Variants in MAGI1 observed in about 807,000 individuals in gnomAD.
The protein encoded by MAGI1 is membrane associated guanylate kinase, WW and PDZ domain containing 1, also known as membrane-associated guanylate kinase, WW and PDZ domain-containing protein 1.
Under a neutral mutation model 139.9 loss-of-function variants are expected in MAGI1, and 58 were observed. The observed-to-expected ratio is 0.41, with a 90% CI of 0.34 to 0.52. The LOEUF (loss-of-function observed/expected upper bound fraction) is 0.52, where lower values mean the gene tolerates loss of function less well. MAGI1 is among the 20% of genes least tolerant of loss of function. MAGI1 has a pLI of 0.12. For missense variants in MAGI1, 1,874 were observed against 1,901.6 expected (o/e 0.99, Z 0.27); for synonymous variants, 812 against 737.9 (o/e 1.10, Z -1.63).
At chr3:65,772,592 C>T (rs1241121198) in intron 1 of MAGI1, among the ~76,000 whole-genome samples, 1 of 152,292 alleles carries the variant, frequency 6.6e-6, no homozygotes, top group African/African-American at 2.4e-5. Context: ...CAGGAGCTGC[C>T]ACATGGAGAA....
At chr3:65,776,879 G>A (rs1027740613) in intron 1 of MAGI1, among the ~76,000 whole-genome samples, 2 of 152,206 alleles carry the variant, frequency 1.3e-5, no homozygotes, top group South Asian at 4.1e-4. Flanking sequence ...ATCGCTGGCT[G>A]CTTCATTCAT....
At chr3:65,695,004 G>A (rs949971318) in intron 1 of MAGI1, among the ~76,000 whole-genome samples, 1 of 152,084 alleles carries the variant, frequency 6.6e-6, no homozygotes, top group Non-Finnish European at 1.5e-5. Flanking sequence ...TCGTGCTCAA[G>A]GGAATATTTA....
intron 1 of MAGI1, among the ~76,000 whole-genome samples, chr3:66,019,605 A>G (rs1158368360): frequency 6.6e-6 from 1 of 152,194 alleles, no homozygotes; most frequent in Non-Finnish European, 1.5e-5. Flanking sequence ...ATCTACTTGC[A>G]AAGTTGTTGC....
intron 1 of MAGI1, among the ~76,000 whole-genome samples, chr3:65,981,916 G>C (rs1560079106): frequency 1.3e-5 from 2 of 152,142 alleles, no homozygotes; most frequent in Non-Finnish European, 2.9e-5. Context: ...TTGGCAGTGT[G>C]AGAACAGACT....
At chr3:65,518,729 A>G (rs1001570065) in intron 2 of MAGI1, among the ~76,000 whole-genome samples, 1 of 152,110 alleles carries the variant, frequency 6.6e-6, no homozygotes, top group African/African-American at 2.4e-5. Context: ...TACTAAACAC[A>G]TACTATGTGC....
At chr3:66,020,254 T>C (rs1366103139) in intron 1 of MAGI1, among the ~76,000 whole-genome samples, 1 of 152,162 alleles carries the variant, frequency 6.6e-6, no homozygotes, top group Non-Finnish European at 1.5e-5. Flanking sequence ...CTAGCCAACA[T>C]GGTGAAACTC....
intron 1 of MAGI1, among the ~76,000 whole-genome samples, chr3:65,890,359 C>T (rs902284090): frequency 1.3e-5 from 2 of 152,004 alleles, no homozygotes; most frequent in African/African-American, 2.4e-5. Flanking sequence ...AGCGAGACTC[C>T]GTCTCAAAAC....
chr3:65,464,211 A>T (rs1287339119), intron 5 of MAGI1, among the ~76,000 whole-genome samples: 1 of 151,610 alleles, frequency 6.6e-6, no homozygotes, highest in Non-Finnish European at 1.5e-5. Context: ...TCTTTCATTG[A>T]TTTTTATCTA....
At chr3:66,013,846 T>C (rs2067478610) in intron 1 of MAGI1, among the ~76,000 whole-genome samples, 1 of 152,140 alleles carries the variant, frequency 6.6e-6, no homozygotes, top group African/African-American at 2.4e-5. Context: ...CTACCCACTT[T>C]TCTCAGACAA....
chr3:65,413,135 C>T (rs577046692), intron 12 of MAGI1, among the ~76,000 whole-genome samples: 2 of 152,262 alleles, frequency 1.3e-5, no homozygotes, highest in South Asian at 4.1e-4. Flanking sequence ...ATCTCTTGAG[C>T]AGTTTCAACA....
intron 1 of MAGI1, among the ~76,000 whole-genome samples, chr3:65,798,841 C>T (rs529839442): frequency 5.3e-5 from 8 of 152,298 alleles, no homozygotes; most frequent in African/African-American, 1.9e-4. Context: ...TGAAATCTCT[C>T]ACCATTCCAC....
intron 2 of MAGI1, among the ~76,000 whole-genome samples, chr3:65,531,216 A>G (rs1157590833): frequency 6.6e-6 from 1 of 152,078 alleles, no homozygotes. Context: ...CTACAGCTTT[A>G]TATCAATATA....
At chr3:65,385,805 G>A (rs1179602199) in intron 14 of MAGI1, among the ~76,000 whole-genome samples, 1 of 152,176 alleles carries the variant, frequency 6.6e-6, no homozygotes, top group Admixed American at 6.5e-5. Flanking sequence ...CACAATTTGA[G>A]AGTAATATTT....
intron 1 of MAGI1, among the ~76,000 whole-genome samples, chr3:65,818,848 A>T (rs986996963): frequency 8.5e-5 from 13 of 152,198 alleles, no homozygotes; most frequent in African/African-American, 3.1e-4. Flanking sequence ...AATGCAGAAG[A>T]CTCCTAGAAC....
rs747606279 is a variant in MAGI1, at chr3:65,429,985, T to C, written c.1702A>G (p.Ser568Gly). The C allele has an allele frequency of 7.4e-6, 12 of 1,613,972 alleles. No homozygotes were observed. The highest frequency in any genetic ancestry group is 1.0e-5 in the Non-Finnish European group (12 of 1,179,942). ...LPFDPDDPNT[S>G]LVTSVAILDK... ...AAAATGGCTACCGAGGTCACTAAACTTGTATTGGGGTCATCTGGATCAAAA... is the reference window on the plus strand; with the variant it reads ...AAAATGGCTACCGAGGTCACTAAACCTGTATTGGGGTCATCTGGATCAAAA... The change falls in exon 12 of 23, where the codon AGT becomes GGT. Residue 568 changes from serine (S) to glycine (G), a missense_variant. Coordinates refer to ENST00000402939, the MANE Select transcript of MAGI1 (RefSeq NM_001033057.2).
chr3:65,547,111 C>T (rs925943571), intron 2 of MAGI1, among the ~76,000 whole-genome samples: 1 of 152,182 alleles, frequency 6.6e-6, no homozygotes, highest in African/African-American at 2.4e-5. Flanking sequence ...AGAGTCCATG[C>T]TGACTTATAA....
At chr3:65,678,378 C>T (rs2087340380) in intron 1 of MAGI1, among the ~76,000 whole-genome samples, 2 of 151,694 alleles carry the variant, frequency 1.3e-5, no homozygotes, top group African/African-American at 4.8e-5. Context: ...AAATTAGCTG[C>T]TTATACAGCA....
chr3:65,375,648 C>A lies in MAGI1; in HGVS notation c.3196+97G>T, dbSNP rs776562648. The A allele has an allele frequency of 3.8e-6, 4 of 1,052,584 alleles. No homozygotes were observed. The East Asian group carries it at 9.5e-5, about 25-fold the overall frequency. The allele number at this position is 1,052,584 out of a possible 1,614,324, so 65.2% of individuals were successfully genotyped here. A position where few individuals can be genotyped will look rare whatever the true frequency, so the allele number is the denominator to read the frequency against. On this transcript the variant is annotated intron_variant, in intron 18 of 22. Transcript: ENST00000402939. ...ACTAAATTAATACTATTCAGTTACA[C>A]GAACACTAATCAAAGAGAGAGAAAG...
chr3:65,946,805 T>A (rs889521238), intron 1 of MAGI1, among the ~76,000 whole-genome samples: 1 of 152,178 alleles, frequency 6.6e-6, no homozygotes, highest in Non-Finnish European at 1.5e-5. Flanking sequence ...ATGTTAAATA[T>A]TAAAAATGCT....
Sources: gnomAD v4.1 joint callset for allele counts (sites outside exome capture counted in the v4.1 genomes callset) on GRCh38, gnomAD v4.1.1 for gene constraint, MANE v1.5 for transcripts, NCBI Gene and HGNC (gene_info 2026-07-23, HGNC 2026-07-21) for gene names.